The following FAM86B2 variants were observed in gnomAD, a reference collection of about 807,000 sequenced individuals.
FAM86B2 encodes the protein putative protein N-methyltransferase FAM86B2.
FAM86B2 carries 1 observed loss-of-function variant against 26.5 expected under a neutral mutation model. The observed-to-expected ratio is 0.04, with a 90% CI of 0.01 to 0.18. The LOEUF is 0.18. Ranked by LOEUF, FAM86B2 falls within the 10% of genes least tolerant of loss-of-function variation. The probability of loss-of-function intolerance (pLI) is 1.00; values close to 1 mark genes in which losing one functional copy is unlikely to be tolerated. For synonymous variants in FAM86B2, 11 were observed against 127.8 expected, an observed-to-expected ratio of 0.09 and a Z score of 6.17; for missense variants, 43 against 303.5, an observed-to-expected ratio of 0.14 and a Z score of 6.38.
intron 1 of FAM86B2, among the ~76,000 whole-genome samples, chr8:12,435,347 G>C (rs1798583433): frequency 9.3e-6 from 1 of 107,050 alleles, no homozygotes; most frequent in African/African-American, 3.6e-5. Flanking sequence ...GATAATAATA[G>C]TACCCACCTG....
intron 1 of FAM86B2, among the ~76,000 whole-genome samples, chr8:12,435,207 TAC>T (rs1455552525): frequency 2.6e-5 from 3 of 115,436 alleles, no homozygotes; most frequent in Admixed American, 1.8e-4. Context: ...CACAGAGAGA[TAC>T]AGTCACTTGC....
At chr8:12,435,835 C>T (rs1181355345) in intron 1 of FAM86B2, among the ~76,000 whole-genome samples, 2 of 140,042 alleles carry the variant, frequency 1.4e-5, no homozygotes, top group South Asian at 2.4e-4. Context: ...CACTGAGGCA[C>T]GAGGGACAGC....
intron 1 of FAM86B2, among the ~76,000 whole-genome samples, chr8:12,434,836 G>C (rs1176997986): frequency 6.7e-6 from 1 of 150,016 alleles, no homozygotes; most frequent in Non-Finnish European, 1.5e-5. Flanking sequence ...CACCTCTTTG[G>C]GGAAGGCTTC....
At position 12,424,656 on chromosome 8, in the gene FAM86B2, G is replaced by T. The variant is rs1281616707; in HGVS notation, c.*1233C>A. On this transcript the variant is annotated 3_prime_UTR_variant, in exon 8 of 8. Coordinates refer to ENST00000262365, the MANE Select transcript of FAM86B2 (RefSeq NM_001137610.3). The stretch of plus-strand genomic sequence containing the variant: ...GAAGGTGCTCCAGGGCACCAAGTGT[G>T]GGAAAGTGGGACATACGGGGAAGTT... Among the ~76,000 whole-genome samples the T allele has an allele frequency of 7.4e-6, 1 of 135,276 alleles. No homozygotes were observed. The highest frequency in any genetic ancestry group is 2.6e-5 in the African/African-American group (1 of 39,122). The allele number at this position is 135,276 out of a possible 152,430, so 88.7% of individuals were successfully genotyped here.
intron 1 of FAM86B2, among the ~76,000 whole-genome samples, chr8:12,434,887 C>G (rs1277622676): frequency 5.9e-5 from 9 of 151,402 alleles, no homozygotes; most frequent in Non-Finnish European, 1.0e-4. Context: ...CCCAGTTGCT[C>G]CATTCACCAT....
In FAM86B2 at chr8:12,426,334, G is replaced by T. The variant is rs1357810918; in HGVS notation, c.893-345C>A. On this transcript the variant is annotated intron_variant, in intron 7 of 7. Coordinates refer to ENST00000262365, the MANE Select transcript of FAM86B2 (RefSeq NM_001137610.3). ...TTCACAAAGCTTAGAAAGTGGCCGG[G>T]CACAGCCAGACTCTGTCTCAAAAAA... Among the ~76,000 whole-genome samples, 1,003 of 142,944 alleles carry T rather than the reference G, an allele frequency of 7.0e-3. 15 individuals carry two copies. The highest frequency in any genetic ancestry group is 0.011 in the Non-Finnish European group (704 of 65,734). The allele number at this position is 142,944 out of a possible 152,430, so 93.8% of individuals were successfully genotyped here.
chr8:12,430,481 G>T, intron 3 of FAM86B2, 30 bp from the exon 4 acceptor site: 1 of 1,563,818 alleles, frequency 6.4e-7, no homozygotes, highest in East Asian at 2.3e-5. Flanking sequence ...GAGCTTGTTT[G>T]CTTTCGTTCT....
At chr8:12,434,962 C>G (rs895338085) in intron 1 of FAM86B2, among the ~76,000 whole-genome samples, 1 of 151,688 alleles carries the variant, frequency 6.6e-6, no homozygotes, top group African/African-American at 2.4e-5. Flanking sequence ...CATTTATTCT[C>G]TGGCTCTCCC....
intron 6 of FAM86B2, among the ~76,000 whole-genome samples, chr8:12,428,040 G>GT (rs774127063): frequency 0.099 from 6,301 of 63,694 alleles, 40 homozygotes; most frequent in African/African-American, 0.29. Flanking sequence ...ACTCACTGGT[G>GT]TCCTTAAAAA....
intron 7 of FAM86B2, among the ~76,000 whole-genome samples, chr8:12,426,346 T>A (rs1437416035): frequency 5.7e-5 from 7 of 123,492 alleles, no homozygotes; most frequent in African/African-American, 2.2e-4. Flanking sequence ...ACAGCCAGAC[T>A]CTGTCTCAAA....
chr8:12,428,367 G>A (rs1218041334), intron 6 of FAM86B2, among the ~76,000 whole-genome samples: 24 of 151,898 alleles, frequency 1.6e-4, no homozygotes, highest in African/African-American at 5.3e-4. Context: ...GTCTCTGAAG[G>A]ACACAGGGCA....
chr8:12,426,452 T>A (rs1454840261), intron 7 of FAM86B2, among the ~76,000 whole-genome samples: 5 of 121,504 alleles, frequency 4.1e-5, no homozygotes, highest in African/African-American at 6.3e-5. Flanking sequence ...CACGTAAGTA[T>A]CTGAAGAAAG....
intron 6 of FAM86B2, among the ~76,000 whole-genome samples, chr8:12,428,385 G>T (rs1216725006): frequency 1.3e-5 from 2 of 151,956 alleles, no homozygotes; most frequent in Non-Finnish European, 2.9e-5. Flanking sequence ...GCATGGCTCT[G>T]GGACAGAGCC....
intron 2 of FAM86B2, among the ~76,000 whole-genome samples, chr8:12,433,633 G>T (rs1798389835): frequency 7.0e-6 from 1 of 143,052 alleles, no homozygotes; most frequent in Non-Finnish European, 1.5e-5. Context: ...ATGCACTTGA[G>T]TCCAAACCCC....
chr8:12,435,089 T>G (rs1798556528), intron 1 of FAM86B2, among the ~76,000 whole-genome samples: 1 of 60,250 alleles, frequency 1.7e-5, no homozygotes, highest in Non-Finnish European at 3.6e-5. Flanking sequence ...CGACACGCAT[T>G]TACCATGAGC....
chr8:12,432,768 G>C (rs1253345794), intron 2 of FAM86B2, among the ~76,000 whole-genome samples: 2 of 146,194 alleles, frequency 1.4e-5, no homozygotes, highest in Non-Finnish European at 3.0e-5. Context: ...GGAGGAGACC[G>C]TCCGCAGCGC....
chr8:12,436,328 TCTC>T lies in FAM86B2; in HGVS notation c.13_15del (p.Glu5del). On this transcript the variant is annotated inframe_deletion, in exon 1 of 8. Coordinates refer to ENST00000262365, the MANE Select transcript of FAM86B2 (RefSeq NM_001137610.3). Reference sequence around the variant, plus strand: ...TGCAGCAAGAGTTCGGTCCCCGCGTTCTCCTCGGGCGCCATAACGTGGGCGAGG... The same window carrying T: ...TGCAGCAAGAGTTCGGTCCCCGCGTTCTCGGGCGCCATAACGTGGGCGAGG... 4.7e-6 allele frequency: 6 copies of T among 1,287,268 alleles called. No homozygotes were observed. The highest frequency in any genetic ancestry group is 6.5e-6 in the Non-Finnish European group (6 of 928,734). 79.7% of individuals were successfully genotyped at this position (1,287,268 alleles called of 1,614,324 possible). A position where few individuals can be genotyped will look rare whatever the true frequency, so the allele number is the denominator to read the frequency against.
intron 7 of FAM86B2, among the ~76,000 whole-genome samples, chr8:12,426,471 T>C (rs1188034121): frequency 4.8e-3 from 19 of 3,970 alleles, no homozygotes; most frequent in African/African-American, 0.017. Context: ...AGACTTCCTT[T>C]TTTTTTTTTT....
chr8:12,433,577 C>T (rs1256589808), intron 2 of FAM86B2, among the ~76,000 whole-genome samples: 1 of 149,258 alleles, frequency 6.7e-6, no homozygotes, highest in African/African-American at 2.5e-5. Flanking sequence ...CCAAGGTCAG[C>T]CTGTGGCTGG....
Sources: gnomAD v4.1 joint callset for allele counts (sites outside exome capture counted in the v4.1 genomes callset) on GRCh38, gnomAD v4.1.1 for gene constraint, MANE v1.5 for transcripts, NCBI Gene and HGNC (gene_info 2026-07-23, HGNC 2026-07-21) for gene names.